NUDT19: variants seen among roughly 807,000 people sequenced by gnomAD.
NUDT19 encodes nudix hydrolase 19.
In NUDT19, 31 loss-of-function variants were observed where a neutral mutation model predicts 22.2. The ratio of observed to expected loss-of-function variants is 1.40; its 90% CI spans 1.05 to 1.89. NUDT19 has a LOEUF of 1.89. Among genes scored for constraint, NUDT19 ranks in the 40% most tolerant of loss-of-function variants. The pLI is 0.00. For missense variants in NUDT19, 752 were observed against 514.2 expected (o/e 1.46, Z -4.47); for synonymous variants, 325 against 230.8 (o/e 1.41, Z -3.70).
At chr19:32,701,300 G>C (rs1020002426) in intron 1 of NUDT19, among the ~76,000 whole-genome samples, 28 of 143,032 alleles carry the variant, frequency 2.0e-4, no homozygotes, top group African/African-American at 7.3e-4. Flanking sequence ...CTGCCTCCCA[G>C]GTTCAAGCGA....
chr19:32,705,268 A>G (rs973361882), intron 1 of NUDT19, among the ~76,000 whole-genome samples: 8 of 151,658 alleles, frequency 5.3e-5, no homozygotes, highest in Non-Finnish European at 4.4e-5. Flanking sequence ...TAAAAATACC[A>G]AAAAAATTAG....
intron 1 of NUDT19, among the ~76,000 whole-genome samples, chr19:32,699,515 C>A (rs759729640): frequency 1.3e-5 from 2 of 152,152 alleles, no homozygotes; most frequent in Non-Finnish European, 2.9e-5. Flanking sequence ...CTCCCCACTC[C>A]GAAGAGTCGG....
intron 1 of NUDT19, among the ~76,000 whole-genome samples, chr19:32,700,636 C>T (rs947048308): frequency 6.6e-6 from 1 of 152,172 alleles, no homozygotes; most frequent in African/African-American, 2.4e-5. Flanking sequence ...CACTATGTTG[C>T]TCAGGGAGGT....
rs780799544 is a variant in NUDT19, at chr19:32,692,548, C to T, written c.588C>T (p.Asn196=). ...CACCCGACATCTGGGCGCTGCACAA[C>T]TGGAGCGCCTGGCTCACCCCTTTCT... ...DCTPDIWALH[N]WSAWLTPFLR... is the part of the protein sequence containing the mutation. The change falls in exon 1 of 3, where the codon AAC becomes AAT. Residue 196 remains asparagine, a synonymous_variant. Coordinates refer to ENST00000397061, the MANE Select transcript of NUDT19 (RefSeq NM_001105570.2). 4 of 1,596,332 alleles carry T rather than the reference C, an allele frequency of 2.5e-6. No individual in the cohort carries two copies. Among genetic ancestry groups the T allele is most frequent in the Non-Finnish European group, 2.6e-6 (3 of 1,173,410 alleles).
rs746956627 is a variant in NUDT19 at position 32,692,641 on chromosome 19, C to T, written c.681C>T (p.Val227=). Reference sequence around the variant, plus strand: ...GCTGCCTGCGCGAGCCGCCGCCCGTCTACCCCGACTTGGCGGAGGTGGTGG... The same window carrying T: ...GCTGCCTGCGCGAGCCGCCGCCCGTTTACCCCGACTTGGCGGAGGTGGTGG... ...FLCCLREPPP[V]YPDLAEVVGY... is the part of the protein sequence containing the mutation. Residue 227 remains valine, a synonymous_variant, in exon 1 of 3, where the codon GTC becomes GTT. Transcript: ENST00000397061. 6.6e-7 allele frequency: 1 copy of T among 1,525,300 alleles called. No individual in the cohort carries two copies. The highest frequency in any genetic ancestry group is 1.3e-5 in the South Asian group (1 of 79,040). 94.5% of individuals were successfully genotyped at this position (1,525,300 alleles called of 1,614,324 possible). A position where few individuals can be genotyped will look rare whatever the true frequency, so the allele number is the denominator to read the frequency against.
chr19:32,700,139 C>T (rs968362894), intron 1 of NUDT19, among the ~76,000 whole-genome samples: 6 of 152,226 alleles, frequency 3.9e-5, no homozygotes, highest in South Asian at 2.1e-4. Flanking sequence ...GGGACCCGAG[C>T]GGGTTGCTGC....
chr19:32,698,875 G>A (rs936345748), intron 1 of NUDT19, among the ~76,000 whole-genome samples: 13 of 152,140 alleles, frequency 8.5e-5, no homozygotes, highest in Admixed American at 7.9e-4. Flanking sequence ...GTTAGTATTG[G>A]GACCTTACCC....
rs61732600 is a variant in NUDT19, at chr19:32,692,446, G to A, written c.486G>A (p.Pro162=). 4.5e-6 allele frequency: 7 copies of A among 1,543,140 alleles called. No individual in the cohort carries two copies. In the African/African-American group the frequency reaches 5.6e-5, roughly 12 times the overall value. The change falls in exon 1 of 3, where the codon CCG becomes CCA. Residue 162 remains proline, a synonymous_variant. Coordinates refer to ENST00000397061, the MANE Select transcript of NUDT19 (RefSeq NM_001105570.2). ...CTGGCCTCGCCCTGGAGCCACCGCC[G>A]GGCCTGGCCTCCTGGCGCGACCGCG... is the stretch of plus-strand genomic sequence containing the variant. ...PGPGLALEPP[P]GLASWRDRVR...
intron 1 of NUDT19, among the ~76,000 whole-genome samples, chr19:32,694,895 C>T (rs188685515): frequency 7.2e-5 from 11 of 152,326 alleles, no homozygotes; most frequent in African/African-American, 2.6e-4. Flanking sequence ...TAAGAGTTTC[C>T]TTATCACGTA....
chr19:32,712,325 C>A lies in NUDT19; in HGVS notation c.*368C>A, dbSNP rs1968456912. ...ATCTCTTGACCTCGTGATACGCCCG[C>A]CTTGGCCTCCCAAAGTGCTGGGATT... On this transcript the variant is annotated 3_prime_UTR_variant, in exon 3 of 3. Transcript: ENST00000397061. The A allele has an allele frequency of 6.3e-6, 1 of 159,238 alleles. No individual in the cohort carries two copies. The highest frequency in any genetic ancestry group is 1.3e-5 in the Non-Finnish European group (1 of 74,264). The allele number at this position is 159,238 out of a possible 1,614,324, so 9.9% of individuals were successfully genotyped here.
At chr19:32,706,750 CA>C (rs200269374) in intron 1 of NUDT19, among the ~76,000 whole-genome samples, 112 of 152,276 alleles carry the variant, frequency 7.4e-4, no homozygotes, top group East Asian at 1.7e-3. Flanking sequence ...TAAATTTTAT[CA>C]TAGGTGTGTA....
rs1396279482 is a variant in NUDT19 at position 32,692,372 on chromosome 19, G to A, written c.412G>A (p.Val138Met). The A allele has an allele frequency of 4.4e-6, 7 of 1,588,430 alleles. No individual in the cohort carries two copies. Among genetic ancestry groups the A allele is most frequent in the Middle Eastern group, 1.7e-4 (1 of 6,048 alleles). ...GCGGGAGGCCTTTGAGGAGGCGGGCGTGCTGCTGCTGCGGCCCAGGACTTC... is the reference window on the plus strand; with the variant it reads ...GCGGGAGGCCTTTGAGGAGGCGGGCATGCTGCTGCTGCGGCCCAGGACTTC... ...AVREAFEEAG[V>M]LLLRPRTSPP... Residue 138 changes from valine (V) to methionine (M), a missense_variant, in exon 1 of 3, where the codon GTG becomes ATG. Transcript: ENST00000397061.
intron 1 of NUDT19, among the ~76,000 whole-genome samples, chr19:32,706,576 G>A (rs762717392): frequency 3.9e-5 from 6 of 152,048 alleles, no homozygotes; most frequent in Non-Finnish European, 8.8e-5. Context: ...CCAGCTACTC[G>A]GGAGGCTGAG....
chr19:32,700,491 G>A (rs556488644), intron 1 of NUDT19, among the ~76,000 whole-genome samples: 3 of 152,246 alleles, frequency 2.0e-5, no homozygotes, highest in East Asian at 3.9e-4. Flanking sequence ...GTCCCCACTC[G>A]ACCCAGGAAG....
intron 1 of NUDT19, among the ~76,000 whole-genome samples, chr19:32,706,436 A>G (rs1968387787): frequency 6.6e-6 from 1 of 152,110 alleles, no homozygotes; most frequent in Admixed American, 6.5e-5. Flanking sequence ...TGTAATCCCA[A>G]CCCCTTGGGG....
At position 32,700,925 on chromosome 19, in the gene NUDT19, T is replaced by C. The variant is rs1007130420; in HGVS notation, c.714+8251T>C. On this transcript the variant is annotated intron_variant, in intron 1 of 2. Coordinates refer to ENST00000397061, the MANE Select transcript of NUDT19 (RefSeq NM_001105570.2). ...CATGGTGGTACATGCCTGTGGTTCC[T>C]GTTACTGAGGAAGCTGAGGTGAGAG... Among the ~76,000 whole-genome samples, 10 of 152,050 alleles carry C rather than the reference T, an allele frequency of 6.6e-5. No homozygotes were observed. The East Asian group carries it at 1.7e-3, about 27-fold the overall frequency.
intron 1 of NUDT19, among the ~76,000 whole-genome samples, chr19:32,695,253 C>T (rs977454546): frequency 6.6e-6 from 1 of 152,178 alleles, no homozygotes; most frequent in Admixed American, 6.5e-5. Context: ...GATCTAGGCT[C>T]ACCGCAACCT....
Position 32,691,880 on chromosome 19 carries a change from G to A in NUDT19, c.-81G>A, listed in dbSNP as rs561060143. 86 of 766,634 alleles carry A rather than the reference G, an allele frequency of 1.1e-4. 1 individual carries two copies. In the South Asian group the frequency reaches 5.1e-3, roughly 45 times the overall value. 47.5% of individuals were successfully genotyped at this position (766,634 alleles called of 1,614,324 possible). Reference sequence around the variant, plus strand: ...CCTCAATTCCCGCGAGGCCCCCGGAGGTGCTGGGGTCCCTGCAGGGCCGGG... The same window carrying A: ...CCTCAATTCCCGCGAGGCCCCCGGAAGTGCTGGGGTCCCTGCAGGGCCGGG... On this transcript the variant is annotated 5_prime_UTR_variant, in exon 1 of 3. Coordinates refer to ENST00000397061, the MANE Select transcript of NUDT19 (RefSeq NM_001105570.2).
In NUDT19 at chr19:32,709,266, AGAC is replaced by A. The variant is rs769690718; in HGVS notation, c.797_799del (p.Arg266_Leu267delinsIle). 1.9e-5 allele frequency: 31 copies of A among 1,614,202 alleles called. No homozygotes were observed. The highest frequency in any genetic ancestry group is 2.3e-5 in the Non-Finnish European group (27 of 1,180,036). ...ACCCCCACAGTTCTACGAAGTGAGA[AGAC>A]TTGCAAACTTTGCCTCTCTCTCTGA... On this transcript the variant is annotated inframe_deletion, in exon 2 of 3. Coordinates refer to ENST00000397061, the MANE Select transcript of NUDT19 (RefSeq NM_001105570.2).
Sources: allele counts gnomAD v4.1 joint callset (sites outside exome capture counted in the v4.1 genomes callset), GRCh38; gene constraint gnomAD v4.1.1; transcripts MANE v1.5; gene names NCBI Gene and HGNC (gene_info 2026-07-23, HGNC 2026-07-21).